The following ATP2C2 variants were observed in gnomAD, a reference collection of about 807,000 sequenced individuals.
The protein encoded by ATP2C2 is ATPase secretory pathway Ca2+ transporting 2.
Under a neutral mutation model 110.8 loss-of-function variants are expected in ATP2C2, and 171 were observed. The observed-to-expected ratio is 1.54, with a 90% CI of 1.36 to 1.75. The LOEUF is 1.75. Among genes scored for constraint, ATP2C2 ranks in the 40% most tolerant of loss-of-function variants. ATP2C2 has a pLI of 0.00. For missense variants in ATP2C2, 1,963 were observed against 1,235.0 expected, an observed-to-expected ratio of 1.59 and a Z score of -8.84; for synonymous variants, 804 against 508.4, an observed-to-expected ratio of 1.58 and a Z score of -7.82.
chr16:84,414,527 A>T (rs1906665451), intron 6 of ATP2C2, among the ~76,000 whole-genome samples: 2 of 152,158 alleles, frequency 1.3e-5, no homozygotes, highest in Non-Finnish European at 2.9e-5. Flanking sequence ...GCCCCCAGCA[A>T]ACATCCACTC....
intron 11 of ATP2C2, among the ~76,000 whole-genome samples, chr16:84,430,439 A>T (rs1044237883): frequency 2.6e-5 from 4 of 152,104 alleles, no homozygotes; most frequent in Non-Finnish European, 5.9e-5. Context: ...TTAGGAGTTT[A>T]AGACCAGGTT....
At chr16:84,455,312 C>T (rs7184137) in intron 21 of ATP2C2, among the ~76,000 whole-genome samples, 25 of 152,260 alleles carry the variant, frequency 1.6e-4, no homozygotes, top group African/African-American at 5.5e-4. Context: ...GGCTGGTGGG[C>T]AGCAGCTGAA....
At chr16:84,453,018 TCAGTAAACCGTCTC>T (rs1910437344) in intron 18 of ATP2C2, 106 bp from the exon 19 acceptor site, 3 of 1,022,574 alleles carry the variant, frequency 2.9e-6, no homozygotes. Flanking sequence ...TGGTAGGTCC[TCAGTAAACCGTCTC>T]CAGCATGGTT....
rs1419135929 is a variant in ATP2C2, at chr16:84,431,050, G to T, written c.986+5249G>T. On this transcript the variant is annotated intron_variant, in intron 11 of 26. Coordinates refer to ENST00000262429, the MANE Select transcript of ATP2C2 (RefSeq NM_014861.4). ...TGTTGACTCTCTGTTTACATCAAAA[G>T]TGCTGATCCAGCTGGATCAGGTAGA... Among the ~76,000 whole-genome samples, 3 of 152,254 alleles carry T rather than the reference G, an allele frequency of 2.0e-5. No individual in the cohort carries two copies. The East Asian group carries it at 5.8e-4, about 29-fold the overall frequency.
chr16:84,370,194 C>T (rs535918165), intron 1 of ATP2C2, among the ~76,000 whole-genome samples: 1 of 152,252 alleles, frequency 6.6e-6, no homozygotes, highest in East Asian at 1.9e-4. Context: ...ATCTCTGTGC[C>T]AGGTGGACTC....
At chr16:84,462,183 G>A (rs557813001) in intron 26 of ATP2C2, 54 bp downstream of exon 26, 69 of 1,576,836 alleles carry the variant, frequency 4.4e-5, no homozygotes, top group South Asian at 1.7e-4. Context: ...CATGGGGGGC[G>A]GCAGCTGCCA....
At chr16:84,414,916 G>A (rs1906698423) in intron 6 of ATP2C2, among the ~76,000 whole-genome samples, 1 of 152,138 alleles carries the variant, frequency 6.6e-6, no homozygotes, top group Admixed American at 6.6e-5. Flanking sequence ...GCTGCCATAT[G>A]CAGGATGGGT....
At chr16:84,440,772 G>A in intron 13 of ATP2C2, 85 bp from the exon 14 acceptor site, 2 of 988,884 alleles carry the variant, frequency 2.0e-6, no homozygotes, top group South Asian at 2.7e-5. Flanking sequence ...CCCTGGAATG[G>A]ATCCCCAGGA....
intron 21 of ATP2C2, 94 bp downstream of exon 21, chr16:84,455,078 G>C (rs528855594): frequency 6.9e-7 from 1 of 1,445,600 alleles, no homozygotes; most frequent in Non-Finnish European, 9.5e-7. Flanking sequence ...AGAGGGGGGG[G>C]TCTCGCGGAG....
intron 21 of ATP2C2, 98 bp from the exon 22 acceptor site, chr16:84,459,022 A>T: frequency 7.5e-7 from 1 of 1,334,190 alleles, no homozygotes. Context: ...TATAACATCA[A>T]TCTGGGCGAG....
chr16:84,429,013 G>A (rs754917204), intron 11 of ATP2C2, among the ~76,000 whole-genome samples: 9 of 152,178 alleles, frequency 5.9e-5, no homozygotes, highest in African/African-American at 1.4e-4. Context: ...ATGGCCCTGC[G>A]AAAGGGCATC....
intron 11 of ATP2C2, among the ~76,000 whole-genome samples, chr16:84,433,688 AC>A (rs1908487252): frequency 1.4e-5 from 1 of 72,444 alleles, no homozygotes; most frequent in East Asian, 7.4e-4. Flanking sequence ...AACAAAACAC[AC>A]ACACACACAC....
intron 11 of ATP2C2, among the ~76,000 whole-genome samples, chr16:84,436,656 C>T (rs1285344150): frequency 6.6e-6 from 1 of 152,176 alleles, no homozygotes; most frequent in African/African-American, 2.4e-5. Flanking sequence ...TCACATCTTC[C>T]CCCCTCCTCA....
At chr16:84,429,485 G>A (rs1436938945) in intron 11 of ATP2C2, among the ~76,000 whole-genome samples, 13 of 152,110 alleles carry the variant, frequency 8.5e-5, no homozygotes, top group Admixed American at 5.9e-4. Flanking sequence ...TTTATCCTTC[G>A]GTGTTACTGT....
intron 2 of ATP2C2, among the ~76,000 whole-genome samples, chr16:84,401,705 C>G (rs952762124): frequency 6.6e-5 from 10 of 152,166 alleles, no homozygotes; most frequent in Admixed American, 6.5e-4. Context: ...GTTTTTATGA[C>G]AGTACCATGC....
intron 7 of ATP2C2, among the ~76,000 whole-genome samples, chr16:84,418,835 G>C (rs1045942421): frequency 6.6e-6 from 1 of 152,200 alleles, no homozygotes; most frequent in Non-Finnish European, 1.5e-5. Context: ...CGCTTACTTA[G>C]GGGCTTAAAA....
In ATP2C2 at chr16:84,425,729, C is replaced by G; in HGVS notation, c.920-6C>G. 6.2e-7 allele frequency: 1 copy of G among 1,613,980 alleles called. No homozygotes were observed. Among genetic ancestry groups the G allele is most frequent in the Non-Finnish European group, 8.5e-7 (1 of 1,179,906 alleles). Reference sequence around the variant, plus strand: ...GGAGATAAGGATGTTTTTGTCTCTTCCCCAGGTCTCATCATGCTCATTGGC... The same window carrying G: ...GGAGATAAGGATGTTTTTGTCTCTTGCCCAGGTCTCATCATGCTCATTGGC... On this transcript the variant is annotated splice_polypyrimidine_tract_variant and splice_region_variant and intron_variant, in intron 10 of 26. Transcript: ENST00000262429.
At chr16:84,392,404 G>C (rs1478095092) in intron 1 of ATP2C2, among the ~76,000 whole-genome samples, 3 of 152,092 alleles carry the variant, frequency 2.0e-5, no homozygotes, top group Admixed American at 6.6e-5. Context: ...ACTCAAGTGA[G>C]GTCCCAGCCT....
At position 84,451,911 on chromosome 16, in the gene ATP2C2, C is replaced by G. The variant is rs528392843; in HGVS notation, c.1661-10C>G. The G allele has an allele frequency of 8.7e-6, 14 of 1,610,430 alleles. No individual in the cohort carries two copies. Among genetic ancestry groups the G allele is most frequent in the South Asian group, 5.5e-5 (5 of 90,936 alleles). On this transcript the variant is annotated splice_polypyrimidine_tract_variant and intron_variant, in intron 17 of 26. Transcript: ENST00000262429. ...CCGGTGACCCCTCCTTACTCCCCCT[C>G]TCTCCTCAGTGCTGGCCCTGGCTTC...
Sources: gnomAD v4.1 joint callset for allele counts (sites outside exome capture counted in the v4.1 genomes callset) on GRCh38, gnomAD v4.1.1 for gene constraint, MANE v1.5 for transcripts, NCBI Gene and HGNC (gene_info 2026-07-23, HGNC 2026-07-21) for gene names.